Variants in GRIA1 observed in about 807,000 individuals in gnomAD.
The protein encoded by GRIA1 is glutamate receptor 1.
A neutral mutation model predicts 99.2 loss-of-function variants in GRIA1; 31 were observed. That is an observed-to-expected ratio of 0.31 (90% CI 0.23 to 0.42). The LOEUF is 0.42. GRIA1 is among the 10% of genes least tolerant of loss of function. The probability of loss-of-function intolerance (pLI) is 1.00; values close to 1 mark genes in which losing one functional copy is unlikely to be tolerated. For missense variants in GRIA1, 782 were observed against 1,157.5 expected (o/e 0.68, Z 4.71); for synonymous variants, 438 against 432.4 (o/e 1.01, Z -0.16).
At chr5:153,579,900 A>G (rs4958666) in intron 2 of GRIA1, among the ~76,000 whole-genome samples, 15,897 of 150,224 alleles carry the variant, frequency 0.11, 928 homozygotes, top group South Asian at 0.25. Flanking sequence ...AACAAACAAA[A>G]AAAAAAAAAC....
rs949707064 is a variant in GRIA1, at chr5:153,812,246, T to C, written c.*1021T>C. On this transcript the variant is annotated 3_prime_UTR_variant, in exon 16 of 16. Transcript: ENST00000285900. ...GGAACCCATTGTGGAGTAGACTCTC[T>C]TCTTCTATGGAGCCTCTGACATGGG... 2.0e-5 allele frequency: 3 copies of C among 152,118 alleles called. No individual in the cohort carries two copies. Among genetic ancestry groups the C allele is most frequent in the Admixed American group, 2.0e-4 (3 of 15,274 alleles). 9.4% of individuals were successfully genotyped at this position (152,118 alleles called of 1,614,324 possible).
At chr5:153,691,912 T>C (rs954190027) in intron 8 of GRIA1, among the ~76,000 whole-genome samples, 2 of 152,232 alleles carry the variant, frequency 1.3e-5, no homozygotes, top group Non-Finnish European at 2.9e-5. Flanking sequence ...GCTCCTTTCC[T>C]TAAAACTTTT....
rs568334470 is a variant in GRIA1 at position 153,727,074 on chromosome 5, G to T, written c.1823+21007G>T. On this transcript the variant is annotated intron_variant, in intron 11 of 15. Transcript: ENST00000285900. Reference sequence around the variant, plus strand: ...GGCTTCATCCCTGGGATGCAAGGCTGGTTCAATATATGCAAATCACTAAAT... The same window carrying T: ...GGCTTCATCCCTGGGATGCAAGGCTTGTTCAATATATGCAAATCACTAAAT... 8.4e-3 allele frequency among the ~76,000 whole-genome samples: 1,278 copies of T among 152,138 alleles called. 7 individuals are homozygous for T. The highest frequency in any genetic ancestry group is 0.014 in the Middle Eastern group (4 of 294).
intron 14 of GRIA1, among the ~76,000 whole-genome samples, chr5:153,800,505 A>G (rs1765937486): frequency 6.6e-6 from 1 of 152,256 alleles, no homozygotes; most frequent in African/African-American, 2.4e-5. Context: ...GAAGAGCAGG[A>G]GAAATTTTGC....
intron 2 of GRIA1, among the ~76,000 whole-genome samples, chr5:153,523,014 A>ATATCTCTCTC (rs1005741469): frequency 1.3e-5 from 1 of 74,164 alleles, no homozygotes; most frequent in African/African-American, 4.8e-5. Flanking sequence ...CTTGTTCCTG[A>ATATCTCTCTC]TATCTCTCTC....
At chr5:153,678,600 T>C (rs1363553617) in intron 7 of GRIA1, among the ~76,000 whole-genome samples, 1 of 152,192 alleles carries the variant, frequency 6.6e-6, no homozygotes, top group Admixed American at 6.5e-5. Flanking sequence ...TTTAAAATGC[T>C]CTTCCAGACT....
At chr5:153,800,821 C>G (rs1765965423) in intron 14 of GRIA1, among the ~76,000 whole-genome samples, 1 of 152,222 alleles carries the variant, frequency 6.6e-6, no homozygotes, top group Admixed American at 6.5e-5. Flanking sequence ...TGCCCCGATT[C>G]TAATAGGCAG....
At position 153,801,276 on chromosome 5, in the gene GRIA1, G is replaced by A. The variant is rs187539508; in HGVS notation, c.2386-1080G>A. On this transcript the variant is annotated intron_variant, in intron 14 of 15. Transcript: ENST00000285900. ...TGACAGAACTCAGGGATGATCTCAGGAGACCAGTGGCCTTCCTCTGGCTCC... is the reference window on the plus strand; with the variant it reads ...TGACAGAACTCAGGGATGATCTCAGAAGACCAGTGGCCTTCCTCTGGCTCC... Among the ~76,000 whole-genome samples, 516 of 148,390 alleles carry A rather than the reference G, an allele frequency of 3.5e-3. 3 individuals are homozygous for A. Among genetic ancestry groups the A allele is most frequent in the Non-Finnish European group, 6.3e-3 (426 of 67,368 alleles).
chr5:153,807,112 C>T (rs1352955518), intron 15 of GRIA1, among the ~76,000 whole-genome samples: 1 of 152,226 alleles, frequency 6.6e-6, no homozygotes, highest in Non-Finnish European at 1.5e-5. Flanking sequence ...ATCTGACTGA[C>T]TATAGTATTT....
chr5:153,665,479 A>G (rs1468125472), intron 5 of GRIA1, among the ~76,000 whole-genome samples: 1 of 152,208 alleles, frequency 6.6e-6, no homozygotes, highest in Non-Finnish European at 1.5e-5. Flanking sequence ...GTGTTACCAG[A>G]GATTATATAG....
At chr5:153,739,135 A>C (rs1581573023) in intron 11 of GRIA1, among the ~76,000 whole-genome samples, 1 of 147,906 alleles carries the variant, frequency 6.8e-6, no homozygotes. Flanking sequence ...ATCCCTTACC[A>C]CCTTGCTGCT....
chr5:153,780,094 T>G (rs1764538638), intron 13 of GRIA1, among the ~76,000 whole-genome samples: 1 of 152,228 alleles, frequency 6.6e-6, no homozygotes, highest in Non-Finnish European at 1.5e-5. Flanking sequence ...TGCTTTCTTT[T>G]AAGAGGCTGT....
intron 2 of GRIA1, among the ~76,000 whole-genome samples, chr5:153,577,809 G>A (rs1341977684): frequency 6.6e-6 from 1 of 152,138 alleles, no homozygotes; most frequent in Admixed American, 6.6e-5. Flanking sequence ...TTCAAGTGGG[G>A]TAAGAGAGAA....
intron 2 of GRIA1, among the ~76,000 whole-genome samples, chr5:153,582,373 A>C (rs1055973740): frequency 5.3e-5 from 8 of 152,230 alleles, no homozygotes; most frequent in Non-Finnish European, 4.4e-5. Flanking sequence ...AAGTGTTGGC[A>C]TATTTCTGGG....
intron 2 of GRIA1, among the ~76,000 whole-genome samples, chr5:153,499,359 T>C (rs1754742654): frequency 6.6e-6 from 1 of 152,110 alleles, no homozygotes; most frequent in Non-Finnish European, 1.5e-5. Flanking sequence ...CTCACACTTG[T>C]AATCCCAGCA....
At chr5:153,492,199 A>G (rs1753980268) in intron 1 of GRIA1, 3 of 1,531,062 alleles carry the variant, frequency 2.0e-6, no homozygotes, top group Admixed American at 2.0e-5. Context: ...TCGGGCATAC[A>G]TGTGCTGCAG....
chr5:153,719,657 G>A (rs1759917332), intron 11 of GRIA1, among the ~76,000 whole-genome samples: 1 of 151,982 alleles, frequency 6.6e-6, no homozygotes, highest in African/African-American at 2.4e-5. Context: ...AAATGACATA[G>A]TGTGACTTCT....
chr5:153,766,916 G>A (rs1215576920), intron 12 of GRIA1, among the ~76,000 whole-genome samples: 2 of 152,214 alleles, frequency 1.3e-5, no homozygotes, highest in Non-Finnish European at 2.9e-5. Context: ...AACCAGGGCA[G>A]TGCATATTCT....
chr5:153,732,930 T>C (rs1157953079), intron 11 of GRIA1, among the ~76,000 whole-genome samples: 1 of 150,724 alleles, frequency 6.6e-6, no homozygotes, highest in African/African-American at 2.4e-5. Flanking sequence ...AATTTCTTTT[T>C]TTTTTTTTTC....
Sources: gnomAD v4.1 joint callset for allele counts (sites outside exome capture counted in the v4.1 genomes callset) on GRCh38, gnomAD v4.1.1 for gene constraint, MANE v1.5 for transcripts, NCBI Gene and HGNC (gene_info 2026-07-23, HGNC 2026-07-21) for gene names.